ZC3H11A: variants seen among roughly 807,000 people sequenced by gnomAD.
ZC3H11A encodes zinc finger CCCH-type containing 11A.
A neutral mutation model predicts 90.8 loss-of-function variants in ZC3H11A; 22 were observed. The ratio of observed to expected loss-of-function variants is 0.24; its 90% CI spans 0.17 to 0.35. ZC3H11A has a LOEUF of 0.35. Among genes scored for constraint, ZC3H11A ranks in the 10% least tolerant of loss-of-function variants. ZC3H11A has a pLI of 1.00. For synonymous variants in ZC3H11A, 294 were observed against 339.8 expected (o/e 0.87, Z 1.48); for missense variants, 701 against 964.9 (o/e 0.73, Z 3.62).
At position 203,840,383 on chromosome 1, in the gene ZC3H11A, A is replaced by G. The variant is rs762758627; in HGVS notation, c.1042+9A>G. ...TAATGAGGATGCAACAGGTAAGTAA[A>G]TCCTAAGACCAGATTCTGATTATTT... On this transcript the variant is annotated intron_variant, in intron 12 of 17. Coordinates refer to ENST00000367210, the MANE Select transcript of ZC3H11A (RefSeq NM_001376342.1). 1.9e-6 allele frequency: 3 copies of G among 1,611,434 alleles called. No homozygotes were observed. Among genetic ancestry groups the G allele is most frequent in the Non-Finnish European group, 2.5e-6 (3 of 1,178,488 alleles).
At position 203,821,942 on chromosome 1, in the gene ZC3H11A, A is replaced by G. The variant is rs559414102; in HGVS notation, c.174+3253A>G. Among the ~76,000 whole-genome samples, 7 of 152,190 alleles carry G rather than the reference A, an allele frequency of 4.6e-5. No homozygotes were observed. The East Asian group carries it at 1.4e-3, about 29-fold the overall frequency. ...CCGGCTAATTTTTTGTACTTTTAGT[A>G]GAGATGGGGTTTCACCGTGTTAGCC... is the stretch of plus-strand genomic sequence containing the variant. On this transcript the variant is annotated intron_variant, in intron 4 of 17. Transcript: ENST00000367210.
intron 2 of ZC3H11A, among the ~76,000 whole-genome samples, chr1:203,815,660 C>T (rs7547408): frequency 0.49 from 74,211 of 151,946 alleles, 18,691 homozygotes; most frequent in Non-Finnish European, 0.53. Context: ...GTTTAGTACC[C>T]ATGTTCAGTG....
chr1:203,820,702 A>G (rs1431059313), intron 4 of ZC3H11A, among the ~76,000 whole-genome samples: 1 of 151,988 alleles, frequency 6.6e-6, no homozygotes, highest in Non-Finnish European at 1.5e-5. Context: ...CTGGTCTCGA[A>G]TTGTTGGCCT....
At position 203,802,436 on chromosome 1, in the gene ZC3H11A, G is replaced by A. The variant is rs1670806776; in HGVS notation, c.-726G>A. 1 of 152,370 alleles carries A rather than the reference G, an allele frequency of 6.6e-6. No homozygotes were observed. The highest frequency in any genetic ancestry group is 2.1e-4 in the South Asian group (1 of 4,834). 9.4% of individuals were successfully genotyped at this position (152,370 alleles called of 1,614,324 possible). A position where few individuals can be genotyped will look rare whatever the true frequency, so the allele number is the denominator to read the frequency against. On this transcript the variant is annotated 5_prime_UTR_variant, in exon 2 of 18. It adds an upstream start codon to the 5' untranslated region. Transcript: ENST00000367210. ...TTTCTATACATTTTTGTGTATATGT[G>A]TGTGTGTATAAGCCAGTTAGTATAT...
intron 2 of ZC3H11A, among the ~76,000 whole-genome samples, chr1:203,808,658 TGTC>T (rs1204237580): frequency 1.3e-5 from 2 of 152,216 alleles, no homozygotes; most frequent in African/African-American, 2.4e-5. Flanking sequence ...TTCGTGGAGA[TGTC>T]GTGTCAGTAA....
At chr1:203,850,719 G>T (rs1190275390) in intron 16 of ZC3H11A, 38 bp downstream of exon 16, 1 of 1,596,296 alleles carries the variant, frequency 6.3e-7, no homozygotes, top group Non-Finnish European at 8.5e-7. Flanking sequence ...TTTATTCTGT[G>T]TGGTAGGAAA....
chr1:203,843,114 G>A (rs1686930364), intron 12 of ZC3H11A, among the ~76,000 whole-genome samples: 1 of 152,074 alleles, frequency 6.6e-6, no homozygotes, highest in Non-Finnish European at 1.5e-5. Context: ...TTATTCTGTT[G>A]TATGCAACCT....
chr1:203,798,488 C>T, intron 1 of ZC3H11A: 6 of 1,536,126 alleles, frequency 3.9e-6, no homozygotes, highest in Non-Finnish European at 5.2e-6. Flanking sequence ...CTGTTGCCAA[C>T]AAAGACAGTG....
rs185117021 is a variant in ZC3H11A, at chr1:203,853,762, C to T, written c.*1363C>T. 2.0e-5 allele frequency: 3 copies of T among 152,748 alleles called. No homozygotes were observed. The highest frequency in any genetic ancestry group is 1.9e-4 in the East Asian group (1 of 5,178). The allele number at this position is 152,748 out of a possible 1,614,324, so 9.5% of individuals were successfully genotyped here. ...AAAGCCACAGGACTGCCCATTCAGT[C>T]TTGGGAAGATTGGGATGATTCTGCA... On this transcript the variant is annotated 3_prime_UTR_variant, in exon 18 of 18. Transcript: ENST00000367210.
intron 12 of ZC3H11A, 81 bp downstream of exon 12, chr1:203,840,455 G>GC: frequency 7.4e-7 from 1 of 1,357,914 alleles, no homozygotes; most frequent in Admixed American, 2.3e-5. Context: ...TTTACCTGTT[G>GC]CTTGCTAGGG....
In ZC3H11A at chr1:203,829,914, T is replaced by G. The variant is rs555436516; in HGVS notation, c.619+18T>G. On this transcript the variant is annotated intron_variant, in intron 7 of 17. Coordinates refer to ENST00000367210, the MANE Select transcript of ZC3H11A (RefSeq NM_001376342.1). ...AAAGCAAGGTAAGAAGAGGCTAGAT[T>G]GGTGCCTCTTATAGCACTGTTGAAA... 1 of 1,603,138 alleles carries G rather than the reference T, an allele frequency of 6.2e-7. No homozygotes were observed. Among genetic ancestry groups the G allele is most frequent in the African/African-American group, 1.3e-5 (1 of 74,808 alleles).
intron 8 of ZC3H11A, 49 bp from the exon 9 acceptor site, chr1:203,831,612 G>A (rs1416636567): frequency 6.6e-7 from 1 of 1,525,342 alleles, no homozygotes; most frequent in African/African-American, 1.4e-5. Flanking sequence ...ACTTGGGATA[G>A]CATTATTTTC....
chr1:203,796,162 C>A, intron 1 of ZC3H11A: 1 of 321,006 alleles, frequency 3.1e-6, no homozygotes. Flanking sequence ...TCCCCCGAAT[C>A]CCGAAGAGAG....
intron 4 of ZC3H11A, among the ~76,000 whole-genome samples, chr1:203,820,817 T>A (rs1367207830): frequency 6.6e-6 from 1 of 152,140 alleles, no homozygotes; most frequent in African/African-American, 2.4e-5. Flanking sequence ...GCACACAGTT[T>A]TAATTTTCTC....
intron 10 of ZC3H11A, chr1:203,835,778 CT>C: frequency 4.2e-6 from 1 of 239,898 alleles, no homozygotes. Flanking sequence ...AAGCACATCT[CT>C]TGCCCAAATA....
intron 12 of ZC3H11A, among the ~76,000 whole-genome samples, chr1:203,845,805 G>A (rs549509900): frequency 2.6e-5 from 4 of 152,024 alleles, no homozygotes; most frequent in Admixed American, 6.6e-5. Flanking sequence ...TGTAGGTTGC[G>A]GTGAGTCAAG....
At chr1:203,798,990 G>A (rs987546542) in intron 1 of ZC3H11A, 1 of 1,536,114 alleles carries the variant, frequency 6.5e-7, no homozygotes, top group Non-Finnish European at 8.7e-7. Context: ...ATGGACCCAT[G>A]ACCCATCCAC....
At chr1:203,814,726 T>G (rs1675679571) in intron 2 of ZC3H11A, among the ~76,000 whole-genome samples, 1 of 152,224 alleles carries the variant, frequency 6.6e-6, no homozygotes, top group Non-Finnish European at 1.5e-5. Context: ...TTACATATTT[T>G]TAGATTTTTT....
intron 1 of ZC3H11A, chr1:203,799,406 G>A: frequency 1.4e-6 from 1 of 703,164 alleles, no homozygotes; most frequent in Non-Finnish European, 2.6e-6. Context: ...TACTGCAAGA[G>A]TTCCAAAATG....
Sources: gnomAD v4.1 joint callset for allele counts (sites outside exome capture counted in the v4.1 genomes callset) on GRCh38, gnomAD v4.1.1 for gene constraint, MANE v1.5 for transcripts, NCBI Gene and HGNC (gene_info 2026-07-23, HGNC 2026-07-21) for gene names.